The following ABCB1 variants were observed in gnomAD, a reference collection of about 807,000 sequenced individuals.
ABCB1 encodes ATP binding cassette subfamily B member 1, also known as ATP-dependent translocase ABCB1.
A neutral mutation model predicts 142.0 loss-of-function variants in ABCB1; 69 were observed. That is an observed-to-expected ratio of 0.49 (90% CI 0.40 to 0.59). The LOEUF (loss-of-function observed/expected upper bound fraction) is 0.59, where lower values mean the gene tolerates loss of function less well. Among genes scored for constraint, ABCB1 ranks in the 20% least tolerant of loss-of-function variants. ABCB1 has a pLI of 0.00. For missense variants in ABCB1, 1,326 were observed against 1,554.7 expected, an observed-to-expected ratio of 0.85 and a Z score of 2.47; for synonymous variants, 532 against 539.2, an observed-to-expected ratio of 0.99 and a Z score of 0.18.
At chr7:87,516,322 A>T (rs1815246705) in intron 24 of ABCB1, among the ~76,000 whole-genome samples, 187 bp downstream of exon 24, 1 of 152,166 alleles carries the variant, frequency 6.6e-6, no homozygotes, top group East Asian at 1.9e-4. Flanking sequence ...TTTCCCTATA[A>T]CCTTTGCTAC....
At chr7:87,599,863 C>T (rs1447189875) in intron 2 of ABCB1, among the ~76,000 whole-genome samples, 1 of 152,072 alleles carries the variant, frequency 6.6e-6, no homozygotes, top group African/African-American at 2.4e-5. Flanking sequence ...CCATGTACCC[C>T]ATTTCATAAA....
chr7:87,628,962 C>G (rs1222991605), intron 1 of ABCB1: 1 of 1,307,646 alleles, frequency 7.6e-7, no homozygotes, highest in African/African-American at 1.5e-5. Flanking sequence ...CAGCGCAGGG[C>G]GAGGGGAACC....
chr7:87,564,650 T>A (rs1817712633), intron 7 of ABCB1, among the ~76,000 whole-genome samples: 1 of 152,220 alleles, frequency 6.6e-6, no homozygotes, highest in Non-Finnish European at 1.5e-5. Context: ...CTACATTTCT[T>A]TTTTGATATG....
At chr7:87,526,684 G>C (rs1815795833) in intron 21 of ABCB1, among the ~76,000 whole-genome samples, 1 of 152,122 alleles carries the variant, frequency 6.6e-6, no homozygotes, top group Admixed American at 6.6e-5. Flanking sequence ...TTAAAAGGCA[G>C]TCCGTTACTG....
chr7:87,691,259 T>C (rs1216815424), intron 1 of ABCB1, among the ~76,000 whole-genome samples: 2 of 152,156 alleles, frequency 1.3e-5, no homozygotes, highest in Non-Finnish European at 2.9e-5. Context: ...AAGTACATAC[T>C]TCTTGGGTCA....
intron 3 of ABCB1, among the ~76,000 whole-genome samples, chr7:87,591,018 T>C (rs12535512): frequency 0.33 from 50,794 of 152,040 alleles, 10,563 homozygotes; most frequent in South Asian, 0.61. Flanking sequence ...TTTCTTTACA[T>C]GATAAAAGGG....
At chr7:87,674,809 T>C (rs1826163075) in intron 1 of ABCB1, among the ~76,000 whole-genome samples, 1 of 152,074 alleles carries the variant, frequency 6.6e-6, no homozygotes. Context: ...AGGAGGGTGC[T>C]TAGATCAGAC....
At chr7:87,583,113 T>C (rs1818586720) in intron 4 of ABCB1, among the ~76,000 whole-genome samples, 1 of 152,254 alleles carries the variant, frequency 6.6e-6, no homozygotes, top group Admixed American at 6.5e-5. Context: ...TTGAAAGTTA[T>C]GTAATTTCAT....
upstream of ABCB1, among the ~76,000 whole-genome samples, chr7:87,602,636 T>C (rs1013176394): frequency 6.6e-6 from 1 of 152,214 alleles, no homozygotes; most frequent in East Asian, 1.9e-4. Flanking sequence ...AGTGCTATAC[T>C]GTTATGTTGA....
At chr7:87,579,740 T>A (rs750457090) in intron 4 of ABCB1, among the ~76,000 whole-genome samples, 3 of 152,222 alleles carry the variant, frequency 2.0e-5, no homozygotes, top group African/African-American at 7.2e-5. Context: ...TTCTTTCTTG[T>A]CTTCCTTTTA....
At chr7:87,575,386 A>T (rs1299234649) in intron 4 of ABCB1, among the ~76,000 whole-genome samples, 4 of 152,180 alleles carry the variant, frequency 2.6e-5, no homozygotes, top group Admixed American at 6.5e-5. Context: ...GACACTGAAG[A>T]TAAACCCAGA....
At chr7:87,564,018 T>A (rs1817687165) in intron 7 of ABCB1, 1 of 301,372 alleles carries the variant, frequency 3.3e-6, no homozygotes, top group African/African-American at 2.3e-5. Flanking sequence ...TATTAGAGGG[T>A]GGAGAGTGGG....
rs999821921 is a variant in ABCB1, at chr7:87,503,493, A to G, written c.*750T>C. 1.3e-5 allele frequency: 2 copies of G among 152,234 alleles called. No homozygotes were observed. The highest frequency in any genetic ancestry group is 2.9e-5 in the Non-Finnish European group (2 of 68,044). 9.4% of individuals were successfully genotyped at this position (152,234 alleles called of 1,614,324 possible). On this transcript the variant is annotated 3_prime_UTR_variant, in exon 28 of 28. Coordinates refer to ENST00000622132, the MANE Select transcript of ABCB1 (RefSeq NM_001348946.2). ...TACTTTGGAAGTGTAAAAATCTTAA[A>G]AAATCCTTAAAGAACCCTTTATAAA...
intron 1 of ABCB1, among the ~76,000 whole-genome samples, chr7:87,615,424 G>T (rs1037800057): frequency 6.6e-6 from 1 of 152,252 alleles, no homozygotes; most frequent in Non-Finnish European, 1.5e-5. Context: ...CCTGCAGGAT[G>T]TGTAGGCTAT....
At chr7:87,625,708 CAAGTT>C (rs1007480271) in intron 1 of ABCB1, among the ~76,000 whole-genome samples, 12 of 152,206 alleles carry the variant, frequency 7.9e-5, no homozygotes, top group African/African-American at 2.9e-4. Flanking sequence ...CAAGAAGAGA[CAAGTT>C]AAGTTGTAGC....
chr7:87,604,162 T>C (rs1164213777), upstream of ABCB1, among the ~76,000 whole-genome samples: 2 of 152,196 alleles, frequency 1.3e-5, no homozygotes, highest in East Asian at 3.9e-4. Context: ...CTATGGTTTT[T>C]AATTCTTTTG....
At chr7:87,611,118 A>G (rs1418886192) in intron 1 of ABCB1, among the ~76,000 whole-genome samples, 1 of 152,174 alleles carries the variant, frequency 6.6e-6, no homozygotes, top group Non-Finnish European at 1.5e-5. Context: ...TATCATATCC[A>G]TGGGTAAGGC....
intron 1 of ABCB1, among the ~76,000 whole-genome samples, chr7:87,685,941 A>G (rs1827414625): frequency 6.6e-6 from 1 of 152,186 alleles, no homozygotes; most frequent in African/African-American, 2.4e-5. Context: ...AAAGCTGGAC[A>G]ATTTGTCACA....
intron 3 of ABCB1, among the ~76,000 whole-genome samples, chr7:87,586,484 T>C (rs543583993): frequency 6.6e-6 from 1 of 151,816 alleles, no homozygotes; most frequent in Non-Finnish European, 1.5e-5. Context: ...AAAACAGAAA[T>C]GGGGTAAAGC....
Sources: gnomAD v4.1 joint callset for allele counts (sites outside exome capture counted in the v4.1 genomes callset) on GRCh38, gnomAD v4.1.1 for gene constraint, MANE v1.5 for transcripts, NCBI Gene and HGNC (gene_info 2026-07-23, HGNC 2026-07-21) for gene names.